Variants in ESRRB observed in about 807,000 individuals in gnomAD.
The protein encoded by ESRRB is steroid hormone receptor ERR2.
In ESRRB, 16 loss-of-function variants were observed where a neutral mutation model predicts 46.0. That is an observed-to-expected ratio of 0.35 (90% CI 0.24 to 0.53). The LOEUF (loss-of-function observed/expected upper bound fraction) is 0.53, where lower values mean the gene tolerates loss of function less well. Ranked by LOEUF, ESRRB falls within the 20% of genes least tolerant of loss-of-function variation. ESRRB has a pLI of 0.93. For missense variants in ESRRB, 488 were observed against 607.4 expected, an observed-to-expected ratio of 0.80 and a Z score of 2.07; for synonymous variants, 246 against 259.6, an observed-to-expected ratio of 0.95 and a Z score of 0.50.
intron 1 of ESRRB, among the ~76,000 whole-genome samples, chr14:76,433,140 T>C (rs58737296): frequency 0.14 from 21,562 of 152,126 alleles, 2,297 homozygotes; most frequent in African/African-American, 0.29. Flanking sequence ...GCCCTGCCTG[T>C]AGAGACGCTT....
At chr14:76,483,394 C>T (rs1889884394) in intron 5 of ESRRB, among the ~76,000 whole-genome samples, 1 of 152,178 alleles carries the variant, frequency 6.6e-6, no homozygotes, top group Non-Finnish European at 1.5e-5. Flanking sequence ...CCACTATTGC[C>T]ATTCGCCTGA....
intron 2 of ESRRB, among the ~76,000 whole-genome samples, chr14:76,454,011 G>GC (rs981387517): frequency 3.3e-5 from 5 of 152,262 alleles, no homozygotes; most frequent in African/African-American, 1.2e-4. Context: ...ACAAAAGAAA[G>GC]CAAGTACTCC....
chr14:76,332,632 A>ATATATTTATATATTATATATTTATATAT (rs1884034310), intron 1 of ESRRB, among the ~76,000 whole-genome samples: 1 of 37,302 alleles, frequency 2.7e-5, no homozygotes, highest in African/African-American at 1.4e-4. Flanking sequence ...AATATATATT[A>ATATATTTATATATTATATATTTATATAT]TATATATTTA....
At chr14:76,384,340 A>C (rs1374353983) in intron 1 of ESRRB, among the ~76,000 whole-genome samples, 2 of 152,184 alleles carry the variant, frequency 1.3e-5, no homozygotes, top group African/African-American at 4.8e-5. Context: ...TTTTCTTCCC[A>C]AAAAGCGCAA....
intron 1 of ESRRB, among the ~76,000 whole-genome samples, chr14:76,433,755 C>T (rs561787592): frequency 5.9e-5 from 9 of 152,230 alleles, no homozygotes; most frequent in Non-Finnish European, 1.3e-4. Flanking sequence ...TGTCCCCAGA[C>T]ACTTCCTGAC....
intron 6 of ESRRB, among the ~76,000 whole-genome samples, chr14:76,494,284 A>G (rs1890337501): frequency 6.6e-6 from 1 of 150,578 alleles, no homozygotes. Context: ...TTTTTAAAGT[A>G]TAGTTTTAGA....
At chr14:76,444,786 AT>A (rs1003777274) in intron 2 of ESRRB, among the ~76,000 whole-genome samples, 1 of 152,018 alleles carries the variant, frequency 6.6e-6, no homozygotes, top group African/African-American at 2.4e-5. Context: ...TATTCAGGTC[AT>A]TTTTTTTAAG....
At chr14:76,472,120 C>T (rs953565407) in intron 3 of ESRRB, among the ~76,000 whole-genome samples, 2 of 152,172 alleles carry the variant, frequency 1.3e-5, no homozygotes, top group East Asian at 1.9e-4. Context: ...TCGAACCTCA[C>T]GGTTGATGCC....
intron 1 of ESRRB, among the ~76,000 whole-genome samples, chr14:76,336,501 A>G (rs1884127961): frequency 6.6e-6 from 1 of 152,210 alleles, no homozygotes; most frequent in African/African-American, 2.4e-5. Context: ...AGTCCTTGAA[A>G]CTAACCAGAC....
At chr14:76,333,581 G>T (rs1482906820) in intron 1 of ESRRB, among the ~76,000 whole-genome samples, 3 of 147,364 alleles carry the variant, frequency 2.0e-5, no homozygotes, top group Non-Finnish European at 1.5e-5. Context: ...TCCTGTCTTT[G>T]CTTCCCAAAG....
At chr14:76,360,699 C>G (rs1043425491) in intron 1 of ESRRB, among the ~76,000 whole-genome samples, 2 of 152,128 alleles carry the variant, frequency 1.3e-5, no homozygotes, top group Non-Finnish European at 2.9e-5. Flanking sequence ...CAGATATAAC[C>G]CCAAGTCCAT....
chr14:76,492,571 T>C (rs2140052592), intron 6 of ESRRB, among the ~76,000 whole-genome samples: 1 of 152,300 alleles, frequency 6.6e-6, no homozygotes, highest in South Asian at 2.1e-4. Context: ...AACTGAGACC[T>C]GAAAAAGTAA....
upstream of ESRRB, among the ~76,000 whole-genome samples, chr14:76,372,675 T>C (rs1884653119): frequency 6.6e-6 from 1 of 151,842 alleles, no homozygotes; most frequent in South Asian, 2.1e-4. Flanking sequence ...CTACTAAAAA[T>C]ACAAAAACTA....
At chr14:76,462,435 G>T (rs1430450235) in intron 2 of ESRRB, 110 bp from the exon 3 acceptor site, 2 of 771,564 alleles carry the variant, frequency 2.6e-6, no homozygotes, top group Non-Finnish European at 4.5e-6. Context: ...GAACACTAGG[G>T]GGGAGTGGCA....
At chr14:76,411,463 G>A (rs1318122432) in intron 1 of ESRRB, among the ~76,000 whole-genome samples, 1 of 152,064 alleles carries the variant, frequency 6.6e-6, no homozygotes, top group African/African-American at 2.4e-5. Context: ...AAAAAAACAG[G>A]AGGTGAACTT....
intron 3 of ESRRB, among the ~76,000 whole-genome samples, chr14:76,463,595 C>T (rs1012950247): frequency 6.6e-6 from 1 of 151,528 alleles, no homozygotes; most frequent in Non-Finnish European, 1.5e-5. Flanking sequence ...TACAGGCGCC[C>T]GCCACCTCGC....
At chr14:76,400,723 G>A (rs1213709215) in intron 1 of ESRRB, among the ~76,000 whole-genome samples, 1 of 152,186 alleles carries the variant, frequency 6.6e-6, no homozygotes, top group African/African-American at 2.4e-5. Context: ...TTAAGTCTCT[G>A]TAGGGAACCT....
At chr14:76,432,856 G>A (rs1887515288) in intron 1 of ESRRB, among the ~76,000 whole-genome samples, 2 of 151,876 alleles carry the variant, frequency 1.3e-5, no homozygotes, top group Admixed American at 1.3e-4. Context: ...TGTATTTGTA[G>A]TAGAGATGGG....
At chr14:76,358,424 A>T (rs1005003435) in intron 1 of ESRRB, among the ~76,000 whole-genome samples, 1 of 150,024 alleles carries the variant, frequency 6.7e-6, no homozygotes, top group Non-Finnish European at 1.5e-5. Flanking sequence ...AAGAAAAGAA[A>T]AAGAAAAAAA....
Sources: allele counts gnomAD v4.1 joint callset (sites outside exome capture counted in the v4.1 genomes callset), GRCh38; gene constraint gnomAD v4.1.1; transcripts MANE v1.5; gene names NCBI Gene and HGNC (gene_info 2026-07-23, HGNC 2026-07-21).